Variants in METTL15 observed in about 807,000 individuals in gnomAD.
METTL15 encodes the protein 12S rRNA N(4)-cytidine methyltransferase METTL15.
Under a neutral mutation model 38.3 loss-of-function variants are expected in METTL15, and 34 were observed. The ratio of observed to expected loss-of-function variants is 0.89; its 90% CI spans 0.68 to 1.18. METTL15 has a LOEUF of 1.18. Among genes scored for constraint, METTL15 ranks in the 50% most tolerant of loss-of-function variants. METTL15 has a pLI of 0.00. For synonymous variants in METTL15, 162 were observed against 170.9 expected, an observed-to-expected ratio of 0.95 and a Z score of 0.41; for missense variants, 438 against 498.4, an observed-to-expected ratio of 0.88 and a Z score of 1.15.
At chr11:28,373,823 A>G (rs1196735342) in intron 5 of METTL15, among the ~76,000 whole-genome samples, 2 of 152,100 alleles carry the variant, frequency 1.3e-5, no homozygotes, top group East Asian at 1.9e-4. Flanking sequence ...TCTTTAATCC[A>G]TCTTGAATCG....
chr11:28,301,106 C>T (rs1856897411), intron 6 of METTL15, among the ~76,000 whole-genome samples: 1 of 152,134 alleles, frequency 6.6e-6, no homozygotes, highest in African/African-American at 2.4e-5. Flanking sequence ...TTGCAACTTC[C>T]TCCATGAACT....
intron 4 of METTL15, among the ~76,000 whole-genome samples, chr11:28,216,284 G>A (rs1852866384): frequency 6.6e-6 from 1 of 151,678 alleles, no homozygotes; most frequent in Admixed American, 6.6e-5. Flanking sequence ...ACAAGAATAG[G>A]CAAGTGGATT....
chr11:28,446,533 G>A (rs1378228261), intron 6 of METTL15, among the ~76,000 whole-genome samples: 1 of 151,504 alleles, frequency 6.6e-6, no homozygotes, highest in Non-Finnish European at 1.5e-5. Flanking sequence ...TTTTCTTTAG[G>A]TTAGGCTAAA....
chr11:28,328,689 A>C (rs368875228), intron 6 of METTL15, among the ~76,000 whole-genome samples: 6 of 152,246 alleles, frequency 3.9e-5, no homozygotes, highest in African/African-American at 1.4e-4. Context: ...GCCAGTGGTT[A>C]TAAGCTTAAG....
At chr11:28,417,493 T>A (rs904748315) in intron 5 of METTL15, among the ~76,000 whole-genome samples, 8 of 152,190 alleles carry the variant, frequency 5.3e-5, no homozygotes, top group African/African-American at 1.9e-4. Flanking sequence ...CTCAGATTGT[T>A]AGATTAGAAT....
chr11:28,265,292 G>C (rs1397539733), intron 4 of METTL15, among the ~76,000 whole-genome samples: 1 of 151,374 alleles, frequency 6.6e-6, no homozygotes, highest in South Asian at 2.1e-4. Flanking sequence ...AAATTCACAA[G>C]GTCTCAGCTA....
chr11:28,408,658 TTAA>T (rs1850697677), intron 5 of METTL15, among the ~76,000 whole-genome samples: 1 of 152,184 alleles, frequency 6.6e-6, no homozygotes, highest in Non-Finnish European at 1.5e-5. Context: ...CAAAGACTAC[TTAA>T]TGATGTGAAA....
chr11:28,492,974 A>G (rs1051503667), intron 6 of METTL15, among the ~76,000 whole-genome samples: 2 of 152,164 alleles, frequency 1.3e-5, no homozygotes, highest in East Asian at 3.9e-4. Context: ...TTTTAATCCC[A>G]TAAGGGTCCC....
chr11:28,369,669 G>A (rs1293382709), intron 5 of METTL15, among the ~76,000 whole-genome samples: 1 of 152,086 alleles, frequency 6.6e-6, no homozygotes, highest in African/African-American at 2.4e-5. Flanking sequence ...TGCCACACAA[G>A]AATACTATAA....
At chr11:28,517,786 T>G (rs1851731660) in intron 6 of METTL15, among the ~76,000 whole-genome samples, 1 of 152,114 alleles carries the variant, frequency 6.6e-6, no homozygotes, top group Non-Finnish European at 1.5e-5. Context: ...TGTGGGGAAT[T>G]TTTCAGAAAC....
At chr11:28,351,837 A>G (rs1031309995) in intron 3 of METTL15, among the ~76,000 whole-genome samples, 2 of 152,240 alleles carry the variant, frequency 1.3e-5, no homozygotes, top group African/African-American at 2.4e-5. Context: ...GAAGGCGTTA[A>G]AGCCAAAGGT....
Position 28,113,320 on chromosome 11 carries a change from T to A in METTL15, c.-15T>A, listed in dbSNP as rs1722100956. The A allele has an allele frequency of 2.6e-6, 4 of 1,524,136 alleles. No individual in the cohort carries two copies. The highest frequency in any genetic ancestry group is 3.5e-6 in the Non-Finnish European group (4 of 1,129,046). The allele number at this position is 1,524,136 out of a possible 1,614,324, so 94.4% of individuals were successfully genotyped here. A position where few individuals can be genotyped will look rare whatever the true frequency, so the allele number is the denominator to read the frequency against. ...CATATTTTAATTTTTTTTTCTAGAT[T>A]TGTTTACCTACAAAATGCTTCGGTA... On this transcript the variant is annotated splice_region_variant and 5_prime_UTR_variant, in exon 3 of 7. The change creates a new upstream start codon in the 5' untranslated region. Transcript: ENST00000407364.
chr11:28,525,613 T>C (rs1289423549), intron 6 of METTL15, among the ~76,000 whole-genome samples: 2 of 152,206 alleles, frequency 1.3e-5, no homozygotes, highest in Non-Finnish European at 2.9e-5. Flanking sequence ...CACAGAGTGC[T>C]GATTGGTGCA....
intron 3 of METTL15, among the ~76,000 whole-genome samples, chr11:28,120,136 T>C (rs1852156775): frequency 6.6e-6 from 1 of 151,912 alleles, no homozygotes; most frequent in Non-Finnish European, 1.5e-5. Context: ...GTATTTTTAG[T>C]AGAGACAGGG....
chr11:28,195,540 G>A (rs551639106), intron 3 of METTL15, among the ~76,000 whole-genome samples: 3 of 151,846 alleles, frequency 2.0e-5, no homozygotes, highest in Admixed American at 2.0e-4. Context: ...CATGATATTT[G>A]CCTGCATTTT....
chr11:28,246,804 C>T (rs1337572692), intron 4 of METTL15, among the ~76,000 whole-genome samples: 1 of 152,110 alleles, frequency 6.6e-6, no homozygotes, highest in African/African-American at 2.4e-5. Flanking sequence ...TTGAGAACTG[C>T]ACTGTCCAAT....
chr11:28,249,360 TG>T (rs1457124891), intron 4 of METTL15, among the ~76,000 whole-genome samples: 2 of 152,126 alleles, frequency 1.3e-5, no homozygotes, highest in East Asian at 3.9e-4. Context: ...TATAAGATAA[TG>T]AAGATGATTA....
intron 4 of METTL15, among the ~76,000 whole-genome samples, chr11:28,233,359 T>A (rs1334336011): frequency 1.3e-5 from 2 of 152,242 alleles, no homozygotes; most frequent in East Asian, 1.9e-4. Flanking sequence ...ATGTTTAAAG[T>A]AATTTTCTTG....
intron 6 of METTL15, chr11:28,328,142 A>C (rs763442726): frequency 6.2e-7 from 1 of 1,611,710 alleles, no homozygotes; most frequent in Non-Finnish European, 8.5e-7. Flanking sequence ...TTATTAGGAA[A>C]ATGGACGAAT....
Sources: gnomAD v4.1 joint callset for allele counts (sites outside exome capture counted in the v4.1 genomes callset) on GRCh38, gnomAD v4.1.1 for gene constraint, MANE v1.5 for transcripts, NCBI Gene and HGNC (gene_info 2026-07-23, HGNC 2026-07-21) for gene names.